The following FAM120C variants were observed in gnomAD, a reference collection of about 807,000 sequenced individuals.
FAM120C encodes constitutive coactivator of PPAR-gamma-like protein 2.
FAM120C carries 14 observed loss-of-function variants against 71.2 expected under a neutral mutation model. The observed-to-expected ratio is 0.20, with a 90% confidence interval of 0.13 to 0.31. FAM120C has a LOEUF of 0.31. Among genes scored for constraint, FAM120C ranks in the 10% least tolerant of loss-of-function variants. The pLI is 1.00. For synonymous variants in FAM120C, 354 were observed against 353.2 expected (o/e 1.00, Z -0.03); for missense variants, 500 against 879.0 (o/e 0.57, Z 5.45).
Position 54,070,326 on chromosome X carries a change from G to A in FAM120C, c.*2707C>T, listed in dbSNP as rs1480802036. On this transcript the variant is annotated 3_prime_UTR_variant, in exon 16 of 16. Coordinates refer to ENST00000375180, the MANE Select transcript of FAM120C (RefSeq NM_017848.6). ...AGAGGTTGTGGAAGGAAGAAAAGCCGTTTGGCAAACTGGAATCATACCTGC... is the reference window on the plus strand; with the variant it reads ...AGAGGTTGTGGAAGGAAGAAAAGCCATTTGGCAAACTGGAATCATACCTGC... 1 of 111,801 alleles carries A rather than the reference G, an allele frequency of 8.9e-6. No individual in the cohort carries two copies. The highest frequency in any genetic ancestry group is 9.6e-5 in the Admixed American group (1 of 10,455). 9.2% of individuals were successfully genotyped at this position (111,801 alleles called of 1,213,427 possible).
At chrX:54,099,606 G>A (rs1333641569) in intron 10 of FAM120C, among the ~76,000 whole-genome samples, 2 of 111,921 alleles carry the variant, frequency 1.8e-5, no homozygotes, top group Non-Finnish European at 1.9e-5. Context: ...GTGTTTTATA[G>A]TTTTCAGTCT....
chrX:54,135,486 C>T, intron 6 of FAM120C, 42 bp downstream of exon 6: 4 of 1,132,743 alleles, frequency 3.5e-6, no homozygotes, highest in Non-Finnish European at 4.8e-6. Context: ...CAGGAAGCAA[C>T]CTGAGTCTAA....
chrX:54,110,431 C>T (rs2066930701), intron 10 of FAM120C, among the ~76,000 whole-genome samples: 1 of 110,349 alleles, frequency 9.1e-6, no homozygotes, highest in Non-Finnish European at 1.9e-5. Context: ...CTGATGTCTG[C>T]AATTTACTTG....
chrX:54,092,235 G>C (rs912147693), intron 10 of FAM120C, among the ~76,000 whole-genome samples: 1 of 110,622 alleles, frequency 9.0e-6, no homozygotes, highest in Non-Finnish European at 1.9e-5. Flanking sequence ...GATTAAATAG[G>C]GTTACTAAAG....
At chrX:54,129,747 C>T (rs1336983220) in intron 9 of FAM120C, among the ~76,000 whole-genome samples, 1 of 112,363 alleles carries the variant, frequency 8.9e-6, no homozygotes, top group Non-Finnish European at 1.9e-5. Context: ...ACTGAGTGAA[C>T]GAGACTCCGT....
At chrX:54,168,853 GGGTATTA>G (rs1291652678) in intron 1 of FAM120C, among the ~76,000 whole-genome samples, 9 of 112,199 alleles carry the variant, frequency 8.0e-5, no homozygotes, top group African/African-American at 2.9e-4. Context: ...TCTGTAAAAT[GGGTATTA>G]GATCATTCAT....
At chrX:54,179,200 CACA>C (rs2146655356) in intron 1 of FAM120C, among the ~76,000 whole-genome samples, 1 of 112,235 alleles carries the variant, frequency 8.9e-6, no homozygotes. Flanking sequence ...CCCAGCAATA[CACA>C]CTGGATCTTT....
At chrX:54,144,598 C>A (rs1286765280) in intron 4 of FAM120C, among the ~76,000 whole-genome samples, 1 of 111,043 alleles carries the variant, frequency 9.0e-6, no homozygotes, top group Non-Finnish European at 1.9e-5. Flanking sequence ...CCTAGGAATC[C>A]AATTTACAAG....
At chrX:54,175,848 T>C (rs1407014868) in intron 1 of FAM120C, among the ~76,000 whole-genome samples, 1 of 111,823 alleles carries the variant, frequency 8.9e-6, no homozygotes, top group African/African-American at 3.3e-5. Flanking sequence ...GCTTACATAA[T>C]GAGTACTTAG....
intron 6 of FAM120C, 102 bp from the exon 7 acceptor site, chrX:54,135,213 T>C (rs1266881012): frequency 6.2e-6 from 5 of 805,090 alleles, no homozygotes; most frequent in Non-Finnish European, 8.8e-6. Context: ...GCAGTGGAGA[T>C]TGTTGAGATA....
chrX:54,147,847 A>T (rs782065890), intron 4 of FAM120C, among the ~76,000 whole-genome samples: 1 of 110,612 alleles, frequency 9.0e-6, no homozygotes, highest in South Asian at 3.9e-4. Flanking sequence ...GGCACGCGCC[A>T]CCATGCCCAG....
intron 1 of FAM120C, among the ~76,000 whole-genome samples, chrX:54,165,823 T>G (rs782398660): frequency 1.8e-5 from 2 of 110,001 alleles, no homozygotes; most frequent in South Asian, 7.8e-4. Flanking sequence ...AAATACACCA[T>G]GAGGGAAATT....
chrX:54,182,377 T>C (rs1000339751), intron 1 of FAM120C, 123 bp downstream of exon 1: 1 of 846,756 alleles, frequency 1.2e-6, no homozygotes, highest in Middle Eastern at 3.3e-4. Context: ...GGTTAGCTGT[T>C]GGGCGGGTAG....
chrX:54,080,470 T>G (rs2066758736), intron 14 of FAM120C, among the ~76,000 whole-genome samples, 181 bp from the exon 15 acceptor site: 1 of 112,210 alleles, frequency 8.9e-6, no homozygotes, highest in Admixed American at 9.6e-5. Context: ...TGAATTGTTC[T>G]GTATCCCATG....
At chrX:54,165,359 A>T (rs1157533252) in intron 1 of FAM120C, among the ~76,000 whole-genome samples, 2 of 111,906 alleles carry the variant, frequency 1.8e-5, no homozygotes, top group African/African-American at 6.5e-5. Context: ...TTATTTGTTT[A>T]AAAAATCCAG....
chrX:54,108,443 G>A, intron 10 of FAM120C, among the ~76,000 whole-genome samples: 1 of 110,715 alleles, frequency 9.0e-6, no homozygotes, highest in Non-Finnish European at 1.9e-5. Flanking sequence ...ATTATATATG[G>A]AAGAGTAAGG....
At chrX:54,146,575 G>A (rs782524973) in intron 4 of FAM120C, among the ~76,000 whole-genome samples, 19 of 111,106 alleles carry the variant, frequency 1.7e-4, no homozygotes, top group South Asian at 3.8e-4. Context: ...CAGCTACTTG[G>A]GAGGCTGAAG....
intron 3 of FAM120C, among the ~76,000 whole-genome samples, chrX:54,152,659 G>GT (rs1483216905): frequency 8.9e-6 from 1 of 112,823 alleles, no homozygotes; most frequent in African/African-American, 3.2e-5. Context: ...TCCTCAAACT[G>GT]TAATTACTGA....
intron 1 of FAM120C, among the ~76,000 whole-genome samples, chrX:54,164,349 G>A (rs919188681): frequency 1.8e-5 from 2 of 112,078 alleles, no homozygotes; most frequent in South Asian, 3.7e-4. Context: ...GTTATACAAC[G>A]TATCTCCAGA....
Sources: gnomAD v4.1 joint callset for allele counts (sites outside exome capture counted in the v4.1 genomes callset) on GRCh38, gnomAD v4.1.1 for gene constraint, MANE v1.5 for transcripts, NCBI Gene and HGNC (gene_info 2026-07-23, HGNC 2026-07-21) for gene names.